The following MYO1B variants were observed in gnomAD, a reference collection of about 807,000 sequenced individuals.
MYO1B encodes myosin IB, also known as unconventional myosin-Ib.
A neutral mutation model predicts 159.7 loss-of-function variants in MYO1B; 72 were observed. The observed-to-expected ratio is 0.45, with a 90% confidence interval of 0.37 to 0.55. The LOEUF is 0.55. MYO1B is among the 20% of genes least tolerant of loss of function. MYO1B has a pLI of 0.00. For synonymous variants in MYO1B, 468 were observed against 473.8 expected (o/e 0.99, Z 0.16); for missense variants, 1,062 against 1,364.8 (o/e 0.78, Z 3.50).
chr2:191,392,211 G>A lies in MYO1B; in HGVS notation c.2076+10G>A, dbSNP rs375447967. On this transcript the variant is annotated intron_variant, in intron 19 of 30. Transcript: ENST00000392318. Reference sequence around the variant, plus strand: ...CCGAAACCCAAGAACAGTATGTAACGAAAACCTTTACACTCTGAACTTAAG... The same window carrying A: ...CCGAAACCCAAGAACAGTATGTAACAAAAACCTTTACACTCTGAACTTAAG... 5.2e-5 allele frequency: 82 copies of A among 1,582,108 alleles called. No homozygotes were observed. The highest frequency in any genetic ancestry group is 1.8e-4 in the East Asian group (8 of 44,392).
At chr2:191,327,641 T>C (rs891471875) in intron 3 of MYO1B, among the ~76,000 whole-genome samples, 4 of 152,192 alleles carry the variant, frequency 2.6e-5, no homozygotes, top group African/African-American at 7.2e-5. Flanking sequence ...GTGCACAGAC[T>C]GGGGAATCAG....
intron 2 of MYO1B, among the ~76,000 whole-genome samples, chr2:191,284,487 A>G (rs1008064916): frequency 6.6e-6 from 1 of 152,160 alleles, no homozygotes; most frequent in African/African-American, 2.4e-5. Context: ...TCATCGTGGT[A>G]CTTATCTTGT....
chr2:191,348,204 G>T lies in MYO1B; in HGVS notation c.498+1922G>T, dbSNP rs141499985. Among the ~76,000 whole-genome samples, 636 of 152,222 alleles carry T rather than the reference G, an allele frequency of 4.2e-3. 9 individuals are homozygous for T. Among genetic ancestry groups the T allele is most frequent in the African/African-American group, 0.014 (580 of 41,528 alleles). ...GCCACTCATTGGTTTATCCCTGGTT[G>T]TCTTCCTTTTCCATTCTCTCCAGTG... On this transcript the variant is annotated intron_variant, in intron 6 of 30. Coordinates refer to ENST00000392318, the MANE Select transcript of MYO1B (RefSeq NM_001130158.3).
intron 3 of MYO1B, among the ~76,000 whole-genome samples, chr2:191,312,025 A>C (rs961664984): frequency 2.6e-5 from 4 of 152,252 alleles, no homozygotes; most frequent in African/African-American, 7.2e-5. Context: ...TTTGTCTTAC[A>C]GGCATAGCTT....
chr2:191,362,330 G>C lies in MYO1B; in HGVS notation c.724G>C (p.Val242Leu). The C allele has an allele frequency of 6.2e-7, 1 of 1,613,910 alleles. No individual in the cohort carries two copies. The highest frequency in any genetic ancestry group is 8.5e-7 in the Non-Finnish European group (1 of 1,179,836). ...CTACCTGAGTCTGGATTCGGCCAAA[G>C]TGAATGGAGTGGATGATGCAGCAAA... ...YNYLSLDSAK[V>L]NGVDDAANFR... The change falls in exon 9 of 31, where the codon GTG (valine) becomes CTG (leucine). Residue 242 changes from valine (V) to leucine (L), a missense_variant. Around this residue, in one of 5 missense-constraint regions of MYO1B, gnomAD observed 415 missense variants for 544.0 expected, o/e 0.76. Transcript: ENST00000392318.
chr2:191,265,854 A>C (rs1687107693), intron 1 of MYO1B, among the ~76,000 whole-genome samples: 1 of 152,094 alleles, frequency 6.6e-6, no homozygotes, highest in Admixed American at 6.5e-5. Flanking sequence ...TTAGCTCATT[A>C]ATTCTCCAGT....
chr2:191,251,815 G>C lies in MYO1B; in HGVS notation c.-10+6189G>C, dbSNP rs1291976192. On this transcript the variant is annotated intron_variant, in intron 1 of 30. Transcript: ENST00000392318. ...CTTAATTTTCACTGGTTACATGAAA[G>C]CATTTTCACATTGCAACCACAACAA... Among the ~76,000 whole-genome samples, 5 of 152,198 alleles carry C rather than the reference G, an allele frequency of 3.3e-5. No individual in the cohort carries two copies. In the East Asian group the frequency reaches 9.7e-4, roughly 30 times the overall value.
intron 3 of MYO1B, among the ~76,000 whole-genome samples, chr2:191,303,167 A>G (rs1302783961): frequency 6.6e-6 from 1 of 151,996 alleles, no homozygotes; most frequent in Non-Finnish European, 1.5e-5. Context: ...CTCACACATT[A>G]TTTCTTTTAT....
intron 16 of MYO1B, among the ~76,000 whole-genome samples, chr2:191,386,364 A>G (rs550122904): frequency 2.6e-5 from 4 of 152,230 alleles, no homozygotes; most frequent in African/African-American, 7.2e-5. Flanking sequence ...GCTATCCTAT[A>G]AAAAATATCT....
At chr2:191,302,661 G>T (rs6434461) in intron 3 of MYO1B, among the ~76,000 whole-genome samples, 80,522 of 152,098 alleles carry the variant, frequency 0.53, 22,068 homozygotes, top group East Asian at 0.65. Flanking sequence ...TCATAGCCCA[G>T]GAGTGAGCTG....
intron 30 of MYO1B, among the ~76,000 whole-genome samples, chr2:191,423,316 C>A (rs908832556): frequency 6.6e-6 from 1 of 152,064 alleles, no homozygotes; most frequent in Non-Finnish European, 1.5e-5. Context: ...AGTTGTCTAT[C>A]TAAACAGAAA....
intron 7 of MYO1B, among the ~76,000 whole-genome samples, chr2:191,351,847 T>C (rs1454560366): frequency 1.3e-5 from 2 of 152,234 alleles, no homozygotes; most frequent in Non-Finnish European, 1.5e-5. Context: ...ATTGAGCCAC[T>C]GCGCTCCAAC....
Position 191,346,250 on chromosome 2 carries a change from A to G in MYO1B, c.466A>G (p.Lys156Glu). The G allele has an allele frequency of 6.4e-7, 1 of 1,571,904 alleles. No individual in the cohort carries two copies. The highest frequency in any genetic ancestry group is 8.6e-7 in the Non-Finnish European group (1 of 1,157,622). The change falls in exon 6 of 31, where the codon AAA becomes GAA. Residue 156 changes from lysine (K) to glutamate (E), a missense_variant. Transcript: ENST00000392318. ...TTTCCTACTAGCTTTTGGAAATGCC[A>G]AAACTGTAAGGAATGACAACTCCTC... ...NPVLEAFGNAKTVRNDNSSRF... is the reference protein window; with the variant it reads ...NPVLEAFGNAETVRNDNSSRF...
intron 27 of MYO1B, 74 bp from the exon 28 acceptor site, chr2:191,413,974 C>T: frequency 6.8e-7 from 1 of 1,475,144 alleles, no homozygotes; most frequent in Non-Finnish European, 9.1e-7. Flanking sequence ...TTAGAATCAA[C>T]TGACCTGTTT....
intron 3 of MYO1B, among the ~76,000 whole-genome samples, chr2:191,299,310 C>T (rs1689164469): frequency 6.6e-6 from 1 of 152,144 alleles, no homozygotes. Context: ...GACTTTTTAC[C>T]ATGGCCTACA....
chr2:191,400,491 G>GCA (rs756594913), intron 22 of MYO1B, 23 bp downstream of exon 22: 2 of 1,613,096 alleles, frequency 1.2e-6, no homozygotes, highest in African/African-American at 2.7e-5. Context: ...CCCCAAGGAA[G>GCA]GCGGTGGGTC....
At chr2:191,287,857 G>A (rs1688470399) in intron 2 of MYO1B, among the ~76,000 whole-genome samples, 1 of 141,274 alleles carries the variant, frequency 7.1e-6, no homozygotes, top group South Asian at 2.3e-4. Context: ...TCTACAGTTT[G>A]ATCTCAGTCT....
At chr2:191,314,574 C>T (rs1188999541) in intron 3 of MYO1B, among the ~76,000 whole-genome samples, 1 of 152,162 alleles carries the variant, frequency 6.6e-6, no homozygotes, top group Non-Finnish European at 1.5e-5. Context: ...ATGGTTCTAA[C>T]CAGCTTTGAA....
chr2:191,411,224 A>G, intron 27 of MYO1B, 52 bp downstream of exon 27: 1 of 1,232,468 alleles, frequency 8.1e-7, no homozygotes, highest in Non-Finnish European at 1.2e-6. Flanking sequence ...AAGTTTCTCA[A>G]GTATATTTGT....
Sources: gnomAD v4.1 joint callset for allele counts (sites outside exome capture counted in the v4.1 genomes callset) on GRCh38, gnomAD v4.1.1 for gene constraint, gnomAD v4.1.1 regional missense constraint, MANE v1.5 for transcripts, NCBI Gene and HGNC (gene_info 2026-07-23, HGNC 2026-07-21) for gene names.